The following DUSP22 variants were observed in gnomAD, a reference collection of about 807,000 sequenced individuals.
The protein encoded by DUSP22 is dual specificity protein phosphatase 22.
Under a neutral mutation model 24.5 loss-of-function variants are expected in DUSP22, and 24 were observed. That is an observed-to-expected ratio of 0.98 (90% CI 0.71 to 1.38). The LOEUF (loss-of-function observed/expected upper bound fraction) is 1.38, where lower values mean the gene tolerates loss of function less well. Among genes scored for constraint, DUSP22 ranks in the 40% most tolerant of loss-of-function variants. The probability of loss-of-function intolerance (pLI) is 0.00; values close to 1 mark genes in which losing one functional copy is unlikely to be tolerated. For synonymous variants in DUSP22, 160 were observed against 106.4 expected (o/e 1.50, Z -3.10); for missense variants, 330 against 269.2 (o/e 1.23, Z -1.58).
intron 5 of DUSP22, among the ~76,000 whole-genome samples, chr6:347,460 C>T (rs1365438373): frequency 1.3e-5 from 2 of 152,424 alleles, no homozygotes; most frequent in Non-Finnish European, 2.9e-5. Flanking sequence ...CCTTCATTTG[C>T]ATGTACATGT....
chr6:335,305 A>G lies in DUSP22; in HGVS notation c.188+142A>G, dbSNP rs1382799030. 5.5e-6 allele frequency: 6 copies of G among 1,081,144 alleles called. No individual in the cohort carries two copies. In the African/African-American group the frequency reaches 7.8e-5, roughly 14 times the overall value. The allele number at this position is 1,081,144 out of a possible 1,614,324, so 67.0% of individuals were successfully genotyped here. A position where few individuals can be genotyped will look rare whatever the true frequency, so the allele number is the denominator to read the frequency against. On this transcript the variant is annotated intron_variant, in intron 4 of 6. Transcript: ENST00000419235. ...CTGCCAGGGAAGAGGCTGTGAGCCT[A>G]CAGAGGCCAACGCTAGGCAGGCTGG... is the stretch of plus-strand genomic sequence containing the variant.
intron 1 of DUSP22, among the ~76,000 whole-genome samples, chr6:303,925 G>A (rs1044494100): frequency 2.6e-5 from 4 of 152,306 alleles, no homozygotes; most frequent in African/African-American, 7.2e-5. Flanking sequence ...AGTTTGGTTT[G>A]AGAACCACTG....
At chr6:305,945 A>G (rs999371768) in intron 2 of DUSP22, among the ~76,000 whole-genome samples, 16 of 152,416 alleles carry the variant, frequency 1.0e-4, no homozygotes, top group South Asian at 2.1e-4. Flanking sequence ...TTGTTGCTCT[A>G]TAATGTCTGT....
intron 2 of DUSP22, among the ~76,000 whole-genome samples, chr6:308,481 T>G (rs1757924986): frequency 1.4e-5 from 1 of 68,996 alleles, no homozygotes; most frequent in African/African-American, 5.4e-5. Context: ...TGGGAAAGGA[T>G]GCATCAGCGA....
At chr6:342,737 T>C (rs1759668594) in intron 4 of DUSP22, among the ~76,000 whole-genome samples, 1 of 151,988 alleles carries the variant, frequency 6.6e-6, no homozygotes, top group South Asian at 2.1e-4. Flanking sequence ...TGGCCGGAGG[T>C]CAGGGGCAGA....
chr6:306,598 A>C (rs1561651573), intron 2 of DUSP22, among the ~76,000 whole-genome samples: 1 of 152,304 alleles, frequency 6.6e-6, no homozygotes, highest in Non-Finnish European at 1.5e-5. Context: ...CTCGTTAGCC[A>C]AATATTTATT....
intron 3 of DUSP22, among the ~76,000 whole-genome samples, chr6:331,291 C>T (rs1036258267): frequency 2.0e-5 from 3 of 152,302 alleles, no homozygotes; most frequent in Non-Finnish European, 2.9e-5. Flanking sequence ...AGGAAGACAA[C>T]CCATTTTATC....
chr6:336,947 A>G (rs1295964658), intron 4 of DUSP22: 4 of 152,418 alleles, frequency 2.6e-5, no homozygotes, highest in African/African-American at 9.6e-5. Context: ...CTTTGCTCTT[A>G]TCTCAAACCG....
At chr6:302,278 G>A (rs552453406) in intron 1 of DUSP22, among the ~76,000 whole-genome samples, 41 of 152,380 alleles carry the variant, frequency 2.7e-4, no homozygotes, top group African/African-American at 8.2e-4. Context: ...CATCTTAGGC[G>A]TCGTATTCCA....
At chr6:304,296 G>A (rs1197258814) in intron 1 of DUSP22, among the ~76,000 whole-genome samples, 2 of 152,310 alleles carry the variant, frequency 1.3e-5, no homozygotes, top group South Asian at 2.1e-4. Flanking sequence ...GCAGCAGAGT[G>A]CAGAGCTGCA....
chr6:334,924 C>T (rs989361444), intron 3 of DUSP22, among the ~76,000 whole-genome samples, 190 bp from the exon 4 acceptor site: 10 of 152,302 alleles, frequency 6.6e-5, no homozygotes, highest in East Asian at 5.8e-4. Flanking sequence ...ATTATTTGTA[C>T]GCATGGTCAC....
At position 351,343 on chromosome 6, in the gene DUSP22, T is replaced by A. The variant is rs1339687184; in HGVS notation, c.*2392T>A. On this transcript the variant is annotated 3_prime_UTR_variant, in exon 7 of 7. Transcript: ENST00000419235. ...ATGTTTTCGTTAATAAAGGGCAACT[T>A]AGCCAAGTTTAAGGTCGCGTGCGAT... 6.0e-6 allele frequency: 1 copy of A among 167,838 alleles called. No individual in the cohort carries two copies. The highest frequency in any genetic ancestry group is 1.3e-5 in the Non-Finnish European group (1 of 77,982). 10.4% of individuals were successfully genotyped at this position (167,838 alleles called of 1,614,324 possible).
chr6:324,671 G>A (rs1758769176), intron 3 of DUSP22, among the ~76,000 whole-genome samples: 5 of 152,310 alleles, frequency 3.3e-5, no homozygotes, highest in Admixed American at 3.3e-4. Context: ...CTCTGGGTCA[G>A]TGTTTGCCTC....
chr6:350,546 C>T lies in DUSP22; in HGVS notation c.*1595C>T, dbSNP rs1760149265. 2 of 1,352,190 alleles carry T rather than the reference C, an allele frequency of 1.5e-6. No homozygotes were observed. The highest frequency in any genetic ancestry group is 1.9e-6 in the Non-Finnish European group (2 of 1,053,274). 83.8% of individuals were successfully genotyped at this position (1,352,190 alleles called of 1,614,324 possible). A position where few individuals can be genotyped will look rare whatever the true frequency, so the allele number is the denominator to read the frequency against. On this transcript the variant is annotated 3_prime_UTR_variant, in exon 7 of 7. Transcript: ENST00000419235. ...TGAGCTTTTTGGGGACCGGGAAAAACAAAGTTGCCTGATTCCGCGCAGGTG... is the reference window on the plus strand; with the variant it reads ...TGAGCTTTTTGGGGACCGGGAAAAATAAAGTTGCCTGATTCCGCGCAGGTG...
intron 5 of DUSP22, among the ~76,000 whole-genome samples, chr6:346,903 T>C (rs963475158): frequency 6.6e-6 from 1 of 152,296 alleles, no homozygotes; most frequent in Non-Finnish European, 1.5e-5. Flanking sequence ...TATAATGTGT[T>C]CTGAGGGCCG....
chr6:328,908 T>C (rs1406827909), intron 3 of DUSP22, among the ~76,000 whole-genome samples: 2 of 152,312 alleles, frequency 1.3e-5, no homozygotes, highest in African/African-American at 4.8e-5. Context: ...CGTAAGTTTT[T>C]CCAGGTGTAA....
intron 1 of DUSP22, among the ~76,000 whole-genome samples, chr6:301,971 T>A (rs1757598774): frequency 6.6e-6 from 1 of 152,308 alleles, no homozygotes; most frequent in South Asian, 2.1e-4. Context: ...AGATAGTAGA[T>A]GTACAAAGAA....
At chr6:333,891 G>A (rs1759248992) in intron 3 of DUSP22, among the ~76,000 whole-genome samples, 1 of 152,306 alleles carries the variant, frequency 6.6e-6, no homozygotes, top group African/African-American at 2.4e-5. Context: ...CATGAAGTGT[G>A]TCTGGTGCCT....
chr6:348,935 A>T lies in DUSP22; in HGVS notation c.602A>T (p.Tyr201Phe). ...PALAPLTYDN[Y>F]TTET ...CTGGCTCCGCTGACCTACGATAATT[A>T]TACGACGGAGACCTAACGCAAGCGA... The change falls in exon 7 of 7, where the codon TAT (tyrosine) becomes TTT (phenylalanine). Residue 201 changes from tyrosine (Y) to phenylalanine (F), a missense_variant. Tyr to Phe is a conservative substitution (Grantham distance 22, BLOSUM62 3). Transcript: ENST00000419235. 6.2e-7 allele frequency: 1 copy of T among 1,605,116 alleles called. No homozygotes were observed. Among genetic ancestry groups the T allele is most frequent in the Non-Finnish European group, 8.5e-7 (1 of 1,175,188 alleles).
Sources: gnomAD v4.1 joint callset for allele counts (sites outside exome capture counted in the v4.1 genomes callset) on GRCh38, gnomAD v4.1.1 for gene constraint, MANE v1.5 for transcripts, NCBI Gene and HGNC (gene_info 2026-07-23, HGNC 2026-07-21) for gene names.